The following MAD1L1 variants were observed in gnomAD, a reference collection of about 807,000 sequenced individuals.
The protein encoded by MAD1L1 is mitotic spindle assembly checkpoint protein MAD1.
In MAD1L1, 95 loss-of-function variants were observed where a neutral mutation model predicts 96.9. The ratio of observed to expected loss-of-function variants is 0.98; its 90% CI spans 0.83 to 1.16. MAD1L1 has a LOEUF of 1.16. MAD1L1 is among the 50% of genes most tolerant of loss of function. The pLI is 0.00. For missense variants in MAD1L1, 1,007 were observed against 954.4 expected (o/e 1.06, Z -0.73); for synonymous variants, 473 against 396.6 (o/e 1.19, Z -2.29).
chr7:2,060,109 C>T (rs745753350), intron 12 of MAD1L1, among the ~76,000 whole-genome samples: 3 of 148,452 alleles, frequency 2.0e-5, no homozygotes, highest in Non-Finnish European at 4.5e-5. Flanking sequence ...CGAGATACGC[C>T]GAAGCCAAGA....
chr7:2,108,923 G>A (rs1012018606), intron 11 of MAD1L1, among the ~76,000 whole-genome samples: 2 of 152,390 alleles, frequency 1.3e-5, no homozygotes, highest in African/African-American at 2.4e-5. Flanking sequence ...TCCTGGGGAA[G>A]TGCAGGGCCC....
At chr7:1,998,531 G>A (rs753947856) in intron 14 of MAD1L1, among the ~76,000 whole-genome samples, 37 of 152,328 alleles carry the variant, frequency 2.4e-4, no homozygotes, top group Non-Finnish European at 4.4e-4. Flanking sequence ...GGCAGCCAGC[G>A]TGTTGACACA....
intron 16 of MAD1L1, among the ~76,000 whole-genome samples, chr7:1,952,547 G>A (rs879216413): frequency 6.6e-6 from 1 of 150,966 alleles, no homozygotes; most frequent in Admixed American, 6.6e-5. Context: ...CTTGGCCCCC[G>A]CTGTGCCCTG....
Position 1,856,768 on chromosome 7 carries a change from A to G in MAD1L1, c.1999-40540T>C, listed in dbSNP as rs1784278904. Among the ~76,000 whole-genome samples the G allele has an allele frequency of 2.0e-5, 3 of 151,788 alleles. No homozygotes were observed. In the South Asian group the frequency reaches 6.3e-4, roughly 32 times the overall value. On this transcript the variant is annotated intron_variant, in intron 18 of 18. Transcript: ENST00000265854. ...GCCCACGCGCACCCCGCGTGCCTCC[A>G]CGTTCCACACGTAACCCAACCCTGG...
intron 17 of MAD1L1, among the ~76,000 whole-genome samples, chr7:1,902,278 T>G (rs1321161501): frequency 6.6e-6 from 1 of 152,178 alleles, no homozygotes; most frequent in Non-Finnish European, 1.5e-5. Context: ...GGCTTTACAG[T>G]ACTGAGGGCC....
Position 2,219,347 on chromosome 7 carries a change from A to T in MAD1L1, c.581T>A (p.Leu194Gln). The change falls in exon 6 of 19, where the codon CTG becomes CAG. Residue 194 changes from leucine (L) to glutamine (Q), a missense_variant. Transcript: ENST00000265854. ...CCCCGCCCACTTGTGTTGCAGGTCC[A>T]GCTGCTCCTGCAGCTCCTGCTTCTC... ...ESEKQELQEQ[L>Q]DLQHKKCQEA... is the part of the protein sequence containing the mutation. 1 of 1,582,798 alleles carries T rather than the reference A, an allele frequency of 6.3e-7. No homozygotes were observed.
chr7:2,214,944 C>G (rs1354163404), intron 9 of MAD1L1, among the ~76,000 whole-genome samples: 1 of 152,188 alleles, frequency 6.6e-6, no homozygotes, highest in African/African-American at 2.4e-5. Flanking sequence ...TCAAACAACA[C>G]AAATTGGTGC....
intron 12 of MAD1L1, among the ~76,000 whole-genome samples, chr7:2,057,652 A>T (rs1463509425): frequency 6.6e-6 from 1 of 152,190 alleles, no homozygotes; most frequent in East Asian, 1.9e-4. Context: ...TATGCGTTAA[A>T]TCCTGCTGGA....
chr7:1,943,073 T>C (rs547863118), intron 16 of MAD1L1, among the ~76,000 whole-genome samples: 1 of 152,224 alleles, frequency 6.6e-6, no homozygotes, highest in Admixed American at 6.5e-5. Context: ...GGCTGGCGCA[T>C]GCCAAAGAAT....
At chr7:2,049,368 C>A (rs1313278545) in intron 12 of MAD1L1, among the ~76,000 whole-genome samples, 2 of 152,228 alleles carry the variant, frequency 1.3e-5, no homozygotes, top group African/African-American at 4.8e-5. Context: ...CCTCTCCCTG[C>A]ACAGTGGGGG....
At chr7:2,202,717 C>T (rs947948825) in intron 10 of MAD1L1, among the ~76,000 whole-genome samples, 1 of 152,204 alleles carries the variant, frequency 6.6e-6, no homozygotes, top group African/African-American at 2.4e-5. Context: ...ACCACCAGGG[C>T]GTCTGGTATT....
chr7:1,903,214 G>A (rs1169752823), intron 17 of MAD1L1, among the ~76,000 whole-genome samples: 1 of 151,324 alleles, frequency 6.6e-6, no homozygotes, highest in African/African-American at 2.4e-5. Flanking sequence ...CGGAACTCAT[G>A]ATTGATGAAG....
At chr7:1,876,132 G>A (rs1411383125) in intron 18 of MAD1L1, among the ~76,000 whole-genome samples, 1 of 152,154 alleles carries the variant, frequency 6.6e-6, no homozygotes, top group Non-Finnish European at 1.5e-5. Flanking sequence ...ACACGGCCAG[G>A]TCTTATTTTG....
At chr7:2,145,970 T>C (rs145144577) in intron 11 of MAD1L1, among the ~76,000 whole-genome samples, 1,862 of 152,184 alleles carry the variant, frequency 0.012, 28 homozygotes, top group African/African-American at 0.042. Context: ...ACAGCGACTG[T>C]GGGAAGGGCG....
intron 12 of MAD1L1, among the ~76,000 whole-genome samples, chr7:2,022,957 C>A (rs142862905): frequency 0.013 from 1,977 of 152,286 alleles, 32 homozygotes; most frequent in African/African-American, 0.045. Context: ...GCACTCCATT[C>A]CGATAAAAAG....
At chr7:2,221,109 A>C in intron 5 of MAD1L1, 2 of 1,319,408 alleles carry the variant, frequency 1.5e-6, no homozygotes, top group East Asian at 2.4e-5. Context: ...TGACAGGCCA[A>C]AGCAGCAGCA....
chr7:2,085,493 T>C (rs557067805), intron 11 of MAD1L1, among the ~76,000 whole-genome samples: 1 of 152,346 alleles, frequency 6.6e-6, no homozygotes, highest in South Asian at 2.1e-4. Flanking sequence ...AGTGAGCACA[T>C]GAGGCCACGG....
chr7:1,931,802 G>A (rs1393010623), intron 17 of MAD1L1, among the ~76,000 whole-genome samples: 1 of 152,200 alleles, frequency 6.6e-6, no homozygotes, highest in Non-Finnish European at 1.5e-5. Flanking sequence ...TGCTTCTCAT[G>A]CAACTCTGCT....
intron 17 of MAD1L1, among the ~76,000 whole-genome samples, chr7:1,899,628 C>T (rs1292209040): frequency 6.6e-6 from 1 of 152,096 alleles, no homozygotes; most frequent in Non-Finnish European, 1.5e-5. Flanking sequence ...GGAGGCTGGT[C>T]CTGAGTTAGA....
Sources: gnomAD v4.1 joint callset for allele counts (sites outside exome capture counted in the v4.1 genomes callset) on GRCh38, gnomAD v4.1.1 for gene constraint, MANE v1.5 for transcripts, NCBI Gene and HGNC (gene_info 2026-07-23, HGNC 2026-07-21) for gene names.